SPR: variants seen among roughly 807,000 people sequenced by gnomAD.
SPR encodes the protein sepiapterin reductase, also known as Sepiapterin reductase (L-erythro-7,8-dihydrobiopterin forming).
In SPR, 12 loss-of-function variants were observed where a neutral mutation model predicts 16.0. That is an observed-to-expected ratio of 0.75 (90% CI 0.48 to 1.22). The LOEUF (loss-of-function observed/expected upper bound fraction) is 1.22. Ranked by LOEUF, SPR falls within the 50% of genes most tolerant of loss-of-function variation. The probability of loss-of-function intolerance (pLI) is 0.00; values close to 1 mark genes in which losing one functional copy is unlikely to be tolerated. For missense variants in SPR, 324 were observed against 344.4 expected (o/e 0.94, Z 0.47); for synonymous variants, 177 against 168.5 (o/e 1.05, Z -0.39).
chr2:72,887,695 G>T lies in SPR; in HGVS notation c.263G>T (p.Arg88Leu). The change falls in exon 1 of 3, where the codon CGG becomes CTG. Residue 88 changes from arginine (R) to leucine (L), a missense_variant. Coordinates refer to ENST00000234454, the MANE Select transcript of SPR (RefSeq NM_003124.5). ...QLLGALRELP[R>L]PKGLQRLLLI... The stretch of plus-strand genomic sequence containing the variant: ...CTCGGCGCCCTGCGCGAGCTCCCCC[G>T]GCCCAAGGGGCTGCAGCGACTGCTG... 6.7e-7 allele frequency: 1 copy of T among 1,502,030 alleles called. No homozygotes were observed. Among genetic ancestry groups the T allele is most frequent in the Non-Finnish European group, 8.8e-7 (1 of 1,132,202 alleles). The allele number at this position is 1,502,030 out of a possible 1,614,324, so 93.0% of individuals were successfully genotyped here. A position where few individuals can be genotyped will look rare whatever the true frequency, so the allele number is the denominator to read the frequency against.
intron 1 of SPR, 95 bp from the exon 2 acceptor site, chr2:72,888,219 C>T: frequency 7.9e-7 from 1 of 1,269,228 alleles, no homozygotes; most frequent in Non-Finnish European, 1.2e-6. Flanking sequence ...TCCTCTAGGT[C>T]TGCATGGGAA....
intron 2 of SPR, among the ~76,000 whole-genome samples, chr2:72,889,171 G>T (rs1466632854): frequency 2.0e-5 from 3 of 152,222 alleles, no homozygotes; most frequent in South Asian, 2.1e-4. Context: ...GACAGACTTT[G>T]TTGAGTGCTG....
intron 2 of SPR, among the ~76,000 whole-genome samples, chr2:72,890,487 G>A (rs947733449): frequency 3.3e-5 from 5 of 151,856 alleles, no homozygotes; most frequent in East Asian, 1.9e-4. Flanking sequence ...GACTACAAGC[G>A]CCCGCCACCA....
Position 72,891,658 on chromosome 2 carries a change from C to T in SPR, c.*121C>T. ...GCCTTACACATAGAAGCATTCATGC[C>T]TGCTGCCCTGCCCTCAGGCACAGCC... is the stretch of plus-strand genomic sequence containing the variant. On this transcript the variant is annotated 3_prime_UTR_variant, in exon 3 of 3. Transcript: ENST00000234454. 8.5e-7 allele frequency: 1 copy of T among 1,172,446 alleles called. No individual in the cohort carries two copies. The highest frequency in any genetic ancestry group is 1.2e-6 in the Non-Finnish European group (1 of 812,042). The allele number at this position is 1,172,446 out of a possible 1,614,324, so 72.6% of individuals were successfully genotyped here. A position where few individuals can be genotyped will look rare whatever the true frequency, so the allele number is the denominator to read the frequency against.
chr2:72,891,857 G>A lies in SPR; in HGVS notation c.*320G>A, dbSNP rs1367386041. The A allele has an allele frequency of 2.5e-6, 1 of 402,758 alleles. No homozygotes were observed. The highest frequency in any genetic ancestry group is 5.2e-5 in the East Asian group (1 of 19,412). 24.9% of individuals were successfully genotyped at this position (402,758 alleles called of 1,614,324 possible). ...AGAAGCTGGAACACAGAAGAGAGGAGGTTGTGTCTCTTGCTCATAGCAAGC... is the reference window on the plus strand; with the variant it reads ...AGAAGCTGGAACACAGAAGAGAGGAAGTTGTGTCTCTTGCTCATAGCAAGC... On this transcript the variant is annotated 3_prime_UTR_variant, in exon 3 of 3. Coordinates refer to ENST00000234454, the MANE Select transcript of SPR (RefSeq NM_003124.5).
Position 72,888,319 on chromosome 2 carries a change from C to A in SPR, c.310C>A (p.Leu104Ile). 6.2e-7 allele frequency: 1 copy of A among 1,614,166 alleles called. No homozygotes were observed. The highest frequency in any genetic ancestry group is 1.7e-5 in the Admixed American group (1 of 60,028). The part of the protein sequence containing the change: ...RLLLINNAGS[L>I]GDVSKGFVDL... The stretch of plus-strand genomic sequence containing the variant: ...CCTAAGGGTTGGTTTTTCAGGCTCT[C>A]TTGGGGATGTGTCCAAAGGCTTCGT... The change falls in exon 2 of 3, where the codon CTT becomes ATT. Residue 104 changes from leucine to isoleucine, a missense_variant. Coordinates refer to ENST00000234454, the MANE Select transcript of SPR (RefSeq NM_003124.5).
At chr2:72,889,894 G>A (rs553234887) in intron 2 of SPR, among the ~76,000 whole-genome samples, 1 of 152,346 alleles carries the variant, frequency 6.6e-6, no homozygotes, top group South Asian at 2.1e-4. Flanking sequence ...TCCTCTCTCA[G>A]CAGGGATGCA....
At chr2:72,888,229 A>G (rs1670570503) in intron 1 of SPR, 85 bp from the exon 2 acceptor site, 2 of 1,350,790 alleles carry the variant, frequency 1.5e-6, no homozygotes, top group South Asian at 2.3e-5. Context: ...CTGCATGGGA[A>G]GAGGATATCT....
intron 2 of SPR, among the ~76,000 whole-genome samples, chr2:72,888,853 T>C (rs1043563912): frequency 6.6e-6 from 1 of 152,162 alleles, no homozygotes; most frequent in African/African-American, 2.4e-5. Flanking sequence ...AGGTATTAGA[T>C]GGAGTTTGGG....
Position 72,888,615 on chromosome 2 carries a change from A to C in SPR, c.595+11A>C. On this transcript the variant is annotated intron_variant, in intron 2 of 2. Transcript: ENST00000234454. ...TGAACTATGCCCCAGGTAGGTGGGA[A>C]GTCCTGCCGTCCCTGTCCTCCAGAA... 6.3e-7 allele frequency: 1 copy of C among 1,586,736 alleles called. No homozygotes were observed. Among genetic ancestry groups the C allele is most frequent in the South Asian group, 1.2e-5 (1 of 86,160 alleles).
In SPR at chr2:72,887,532, G is replaced by A. The variant is rs1290609679; in HGVS notation, c.100G>A (p.Gly34Ser). 1 of 1,480,092 alleles carries A rather than the reference G, an allele frequency of 6.8e-7. No homozygotes were observed. 91.7% of individuals were successfully genotyped at this position (1,480,092 alleles called of 1,614,324 possible). A position where few individuals can be genotyped will look rare whatever the true frequency, so the allele number is the denominator to read the frequency against. Reference protein sequence around the residue: ...APLLASLLSPGSVLVLSARND... With the variant: ...APLLASLLSPSSVLVLSARND... ...GCTCCTGGCCTCGCTGCTGTCGCCC[G>A]GCTCCGTGCTTGTCCTTAGCGCCCG... is the stretch of plus-strand genomic sequence containing the variant. The change falls in exon 1 of 3, where the codon GGC (glycine) becomes AGC (serine). Residue 34 changes from glycine (G) to serine (S), a missense_variant. By Grantham distance (56) the Gly-to-Ser change is moderately conservative. Coordinates refer to ENST00000234454, the MANE Select transcript of SPR (RefSeq NM_003124.5).
chr2:72,890,950 G>A (rs1473784206), intron 2 of SPR, among the ~76,000 whole-genome samples: 1 of 152,200 alleles, frequency 6.6e-6, no homozygotes, highest in Admixed American at 6.5e-5. Flanking sequence ...GTCGGGATGT[G>A]TAGATGCTGA....
Position 72,891,699 on chromosome 2 carries a change from G to C in SPR, c.*162G>C. The C allele has an allele frequency of 4.9e-6, 4 of 824,192 alleles. No individual in the cohort carries two copies. 51.1% of individuals were successfully genotyped at this position (824,192 alleles called of 1,614,324 possible). A position where few individuals can be genotyped will look rare whatever the true frequency, so the allele number is the denominator to read the frequency against. On this transcript the variant is annotated 3_prime_UTR_variant, in exon 3 of 3. Coordinates refer to ENST00000234454, the MANE Select transcript of SPR (RefSeq NM_003124.5). ...AGGCACAGCCAGCTGTGAGCTCCCA[G>C]GTCATTGGCCTTACCAGTTGTCAGG...
Position 72,888,500 on chromosome 2 carries a change from TCAAAGGCTGGGCGCTGTA to T in SPR, c.493_510del (p.Lys165_Tyr170del), listed in dbSNP as rs749003526. The T allele has an allele frequency of 6.2e-7, 1 of 1,613,636 alleles. No individual in the cohort carries two copies. Among genetic ancestry groups the T allele is most frequent in the South Asian group, 1.1e-5 (1 of 90,936 alleles). Reference sequence around the variant, plus strand: ...TCGTCCCTCTGTGCCCTGCAACCTTTCAAAGGCTGGGCGCTGTACTGTGCAGGAAAGGCTGCTCGTGAT... The same window carrying T: ...TCGTCCCTCTGTGCCCTGCAACCTTTCTGTGCAGGAAAGGCTGCTCGTGAT... On this transcript the variant is annotated inframe_deletion, in exon 2 of 3. Coordinates refer to ENST00000234454, the MANE Select transcript of SPR (RefSeq NM_003124.5).
chr2:72,891,302 C>A, intron 2 of SPR, 45 bp from the exon 3 acceptor site: 10 of 1,609,846 alleles, frequency 6.2e-6, no homozygotes, highest in Non-Finnish European at 8.5e-6. Context: ...ACCTTCTGTC[C>A]CTGCCTTGGC....
At chr2:72,888,940 G>A (rs1670582093) in intron 2 of SPR, among the ~76,000 whole-genome samples, 1 of 152,204 alleles carries the variant, frequency 6.6e-6, no homozygotes, top group African/African-American at 2.4e-5. Context: ...GGGCACTTGG[G>A]AAGACTGAAT....
intron 2 of SPR, among the ~76,000 whole-genome samples, chr2:72,889,856 G>A (rs144382639): frequency 1.3e-3 from 193 of 152,292 alleles, no homozygotes; most frequent in African/African-American, 4.3e-3. Context: ...GCTCAGAGAT[G>A]GAATGGGCTG....
intron 2 of SPR, among the ~76,000 whole-genome samples, chr2:72,888,984 G>A (rs1268489506): frequency 1.3e-5 from 2 of 152,208 alleles, no homozygotes; most frequent in African/African-American, 2.4e-5. Flanking sequence ...CCTGACCTGT[G>A]AAGTGTTGCC....
Position 72,887,830 on chromosome 2 carries a change from A to T in SPR, c.304+94A>T. ...GGGCTACTCCTAGGGGTCAGATAGG[A>T]CGCCTAGAAATCTAAAGCCCTAGTT... On this transcript the variant is annotated intron_variant, in intron 1 of 2. Transcript: ENST00000234454. The T allele has an allele frequency of 2.3e-6, 3 of 1,285,400 alleles. No homozygotes were observed. In the South Asian group the frequency reaches 5.2e-5, roughly 22 times the overall value. 79.6% of individuals were successfully genotyped at this position (1,285,400 alleles called of 1,614,324 possible). A position where few individuals can be genotyped will look rare whatever the true frequency, so the allele number is the denominator to read the frequency against.
Sources: gnomAD v4.1 joint callset for allele counts (sites outside exome capture counted in the v4.1 genomes callset) on GRCh38, gnomAD v4.1.1 for gene constraint, MANE v1.5 for transcripts, NCBI Gene and HGNC (gene_info 2026-07-23, HGNC 2026-07-21) for gene names.